Variants in MAML3 observed in about 807,000 individuals in gnomAD.
MAML3 encodes mastermind-like protein 3.
In MAML3, 27 loss-of-function variants were observed where a neutral mutation model predicts 101.9. The observed-to-expected ratio is 0.27, with a 90% CI of 0.20 to 0.37. MAML3 has a LOEUF of 0.37. MAML3 is among the 10% of genes least tolerant of loss of function. The pLI is 1.00. For missense variants in MAML3, 1,316 were observed against 1,444.9 expected (o/e 0.91, Z 1.45); for synonymous variants, 501 against 555.9 (o/e 0.90, Z 1.39).
At chr4:139,935,612 T>G (rs1733491686) in intron 1 of MAML3, among the ~76,000 whole-genome samples, 1 of 151,204 alleles carries the variant, frequency 6.6e-6, no homozygotes, top group African/African-American at 2.4e-5. Flanking sequence ...TCTCAGTGTT[T>G]CAAGTGTTTC....
chr4:139,848,980 C>G (rs1181831476), intron 2 of MAML3, among the ~76,000 whole-genome samples: 1 of 152,118 alleles, frequency 6.6e-6, no homozygotes, highest in Non-Finnish European at 1.5e-5. Flanking sequence ...AGAATGAGCC[C>G]CTACATCTTT....
chr4:139,892,787 CG>C (rs1417823418), intron 1 of MAML3, among the ~76,000 whole-genome samples: 2 of 151,956 alleles, frequency 1.3e-5, no homozygotes, highest in Non-Finnish European at 2.9e-5. Flanking sequence ...AAAAATTAGC[CG>C]GGCGTGGTGG....
chr4:140,091,197 C>T (rs932329649), intron 1 of MAML3, among the ~76,000 whole-genome samples: 2 of 152,142 alleles, frequency 1.3e-5, no homozygotes, highest in Non-Finnish European at 2.9e-5. Flanking sequence ...CCTACATACA[C>T]TATTTTACAC....
At chr4:139,937,540 C>G (rs1733530531) in intron 1 of MAML3, among the ~76,000 whole-genome samples, 1 of 152,076 alleles carries the variant, frequency 6.6e-6, no homozygotes, top group Non-Finnish European at 1.5e-5. Flanking sequence ...GCATCTACCA[C>G]CACACTTGGC....
intron 1 of MAML3, among the ~76,000 whole-genome samples, chr4:139,906,168 C>T (rs1732819696): frequency 6.6e-6 from 1 of 152,082 alleles, no homozygotes; most frequent in South Asian, 2.1e-4. Context: ...CCAGGTTGGC[C>T]TCAAACTTCC....
Position 139,974,113 on chromosome 4 carries a change from T to G in MAML3, c.469-83146A>C, listed in dbSNP as rs930533264. On this transcript the variant is annotated intron_variant, in intron 1 of 4. Transcript: ENST00000509479. ...TATTCTTACATTTAATAGTTTTTTT[T>G]TTTTTTTTTTGAGACAGAGTCTCGC... Among the ~76,000 whole-genome samples the G allele has an allele frequency of 1.3e-3, 194 of 151,338 alleles. 2 individuals carry two copies. The highest frequency in any genetic ancestry group is 4.5e-3 in the African/African-American group (185 of 41,266).
chr4:139,926,625 A>C (rs932452175), intron 1 of MAML3, among the ~76,000 whole-genome samples: 2 of 152,172 alleles, frequency 1.3e-5, no homozygotes, highest in African/African-American at 2.4e-5. Flanking sequence ...AACAAACAAA[A>C]AAGAAATGCC....
At position 139,923,040 on chromosome 4, in the gene MAML3, C is replaced by T. The variant is rs944723603; in HGVS notation, c.469-32073G>A. ...AGGGAGCTCTGCTCATGATAGGGTG[C>T]CAGAGGGATACGTAACACACTGAAA... On this transcript the variant is annotated intron_variant, in intron 1 of 4. Coordinates refer to ENST00000509479, the MANE Select transcript of MAML3 (RefSeq NM_018717.5). Among the ~76,000 whole-genome samples the T allele has an allele frequency of 5.1e-4, 77 of 152,148 alleles. 1 individual carries two copies. The highest frequency in any genetic ancestry group is 5.0e-3 in the Admixed American group (77 of 15,272).
chr4:139,804,552 C>T (rs1052091737), intron 2 of MAML3, among the ~76,000 whole-genome samples: 1 of 152,112 alleles, frequency 6.6e-6, no homozygotes, highest in African/African-American at 2.4e-5. Context: ...CAAGTGTGAG[C>T]CACAGCGCCA....
intron 1 of MAML3, among the ~76,000 whole-genome samples, chr4:139,974,845 C>T (rs900160745): frequency 1.2e-4 from 19 of 152,040 alleles, no homozygotes; most frequent in African/African-American, 4.6e-4. Context: ...GAAACTTCAG[C>T]TTGGACTTGA....
chr4:140,134,280 A>T (rs926721388), intron 1 of MAML3: 11 of 456,646 alleles, frequency 2.4e-5, no homozygotes, highest in Non-Finnish European at 4.8e-5. Flanking sequence ...TAAGGAAAGG[A>T]AAGGTTGAAA....
Position 139,760,239 on chromosome 4 carries a change from A to G in MAML3, c.2080-29572T>C, listed in dbSNP as rs779697711. ...ATACAAACCTGAAAAGATGAGCTAAATTCTCCCTGTGGAGTTTCCAAGATG... is the reference window on the plus strand; with the variant it reads ...ATACAAACCTGAAAAGATGAGCTAAGTTCTCCCTGTGGAGTTTCCAAGATG... On this transcript the variant is annotated intron_variant, in intron 2 of 4. Transcript: ENST00000509479. 4.6e-5 allele frequency among the ~76,000 whole-genome samples: 7 copies of G among 152,320 alleles called. No individual in the cohort carries two copies. In the Middle Eastern group the frequency reaches 0.014, roughly 296 times the overall value.
At chr4:139,793,903 T>C (rs564148794) in intron 2 of MAML3, among the ~76,000 whole-genome samples, 1 of 152,334 alleles carries the variant, frequency 6.6e-6, no homozygotes, top group East Asian at 1.9e-4. Context: ...AATACATTAC[T>C]TTCTAATAAG....
In MAML3 at chr4:139,735,777, C is replaced by T. The variant is rs1291944088; in HGVS notation, c.2080-5110G>A. 6.6e-6 allele frequency among the ~76,000 whole-genome samples: 1 copy of T among 152,196 alleles called. No homozygotes were observed. Among genetic ancestry groups the T allele is most frequent in the African/African-American group, 2.4e-5 (1 of 41,458 alleles). On this transcript the variant is annotated intron_variant, in intron 2 of 4. Coordinates refer to ENST00000509479, the MANE Select transcript of MAML3 (RefSeq NM_018717.5). The surrounding 1 kb of genome is among the most constrained non-coding windows in gnomAD (Gnocchi z 5.8). ...AGTCAGGAGTGGGGCCCGTGCGTCC[C>T]CGGCAGGACCTAGACTGCCTCTCGG... is the stretch of plus-strand genomic sequence containing the variant.
At chr4:140,088,887 C>T (rs966827169) in intron 1 of MAML3, among the ~76,000 whole-genome samples, 5 of 152,120 alleles carry the variant, frequency 3.3e-5, no homozygotes, top group African/African-American at 4.8e-5. Context: ...TCCCACAGTT[C>T]GGTGCTTTCA....
At chr4:140,111,614 T>A (rs1728440102) in intron 1 of MAML3, among the ~76,000 whole-genome samples, 1 of 152,226 alleles carries the variant, frequency 6.6e-6, no homozygotes, top group South Asian at 2.1e-4. Flanking sequence ...AAGGGCTAGA[T>A]AAATATAAAT....
chr4:140,071,027 A>G (rs1727642477), intron 1 of MAML3, among the ~76,000 whole-genome samples: 1 of 152,206 alleles, frequency 6.6e-6, no homozygotes, highest in Admixed American at 6.5e-5. Context: ...CTAAGGAGGA[A>G]GGCAGCATTT....
At chr4:139,842,541 C>A (rs1248092303) in intron 2 of MAML3, among the ~76,000 whole-genome samples, 1 of 134,818 alleles carries the variant, frequency 7.4e-6, no homozygotes, top group Non-Finnish European at 1.6e-5. Flanking sequence ...TGTTTTGAGA[C>A]AGGATCTTGC....
chr4:139,730,831 C>T (rs1728676684), intron 2 of MAML3, 164 bp from the exon 3 acceptor site: 15 of 638,590 alleles, frequency 2.3e-5, no homozygotes, highest in Admixed American at 5.8e-5. Context: ...GCTTCAAACC[C>T]GACCTTACCT....
Sources: allele counts gnomAD v4.1 joint callset (sites outside exome capture counted in the v4.1 genomes callset), GRCh38; gene constraint gnomAD v4.1.1; non-coding constraint Gnocchi (gnomAD v3.1); transcripts MANE v1.5; gene names NCBI Gene and HGNC (gene_info 2026-07-23, HGNC 2026-07-21).